The following TJP1 variants were observed in gnomAD, a reference collection of about 807,000 sequenced individuals.
TJP1 encodes the protein tight junction protein 1, also known as tight junction protein ZO-1.
Under a neutral mutation model 194.2 loss-of-function variants are expected in TJP1, and 43 were observed. That is an observed-to-expected ratio of 0.22 (90% CI 0.17 to 0.29). The LOEUF (loss-of-function observed/expected upper bound fraction) is 0.29, where lower values mean the gene tolerates loss of function less well. Ranked by LOEUF, TJP1 falls within the 10% of genes least tolerant of loss-of-function variation. The probability of loss-of-function intolerance (pLI) is 1.00; values close to 1 mark genes in which losing one functional copy is unlikely to be tolerated. For missense variants in TJP1, 1,971 were observed against 2,185.7 expected, an observed-to-expected ratio of 0.90 and a Z score of 1.96; for synonymous variants, 801 against 779.0, an observed-to-expected ratio of 1.03 and a Z score of -0.47.
chr15:29,840,342 C>T (rs1324710854), intron 2 of TJP1, among the ~76,000 whole-genome samples: 1 of 152,092 alleles, frequency 6.6e-6, no homozygotes, highest in Non-Finnish European at 1.5e-5. Context: ...TATGAATTTT[C>T]TAGAAGTTTT....
chr15:29,734,589 T>G (rs2043900627), intron 11 of TJP1, among the ~76,000 whole-genome samples: 3 of 151,756 alleles, frequency 2.0e-5, no homozygotes, highest in African/African-American at 7.3e-5. Context: ...GTTCAAGTGA[T>G]TCTCCTGCCT....
At chr15:29,702,603 C>T (rs975180939) in intron 27 of TJP1, among the ~76,000 whole-genome samples, 13 of 152,208 alleles carry the variant, frequency 8.5e-5, no homozygotes, top group Admixed American at 6.5e-4. Flanking sequence ...AAATATTCCA[C>T]GACGAACAGG....
At chr15:29,756,010 A>G in intron 8 of TJP1, among the ~76,000 whole-genome samples, 1 of 152,080 alleles carries the variant, frequency 6.6e-6, no homozygotes, top group East Asian at 1.9e-4. Flanking sequence ...GAAACATAAA[A>G]TGGGTCTGTT....
intron 8 of TJP1, among the ~76,000 whole-genome samples, chr15:29,753,867 A>G (rs1367068513): frequency 6.6e-6 from 1 of 151,898 alleles, no homozygotes; most frequent in Non-Finnish European, 1.5e-5. Context: ...TGGTGAGCCT[A>G]AAAAAGAACA....
intron 2 of TJP1, among the ~76,000 whole-genome samples, chr15:29,792,743 A>G (rs113212214): frequency 2.0e-4 from 31 of 152,346 alleles, no homozygotes; most frequent in African/African-American, 7.0e-4. Context: ...ATCCATGACC[A>G]TGGAGTATCT....
chr15:29,800,535 A>G, intron 2 of TJP1, 111 bp downstream of exon 2: 1 of 987,258 alleles, frequency 1.0e-6, no homozygotes, highest in Non-Finnish European at 1.5e-6. Flanking sequence ...AAGAATATAG[A>G]AAAAGTTTCC....
intron 1 of TJP1, among the ~76,000 whole-genome samples, chr15:29,809,400 A>G (rs1033567438): frequency 7.2e-5 from 11 of 152,192 alleles, no homozygotes; most frequent in Non-Finnish European, 1.6e-4. Context: ...TAAAATTTCT[A>G]CAAATAATCC....
intron 11 of TJP1, among the ~76,000 whole-genome samples, chr15:29,736,455 A>G (rs2044041672): frequency 6.6e-6 from 1 of 152,248 alleles, no homozygotes; most frequent in African/African-American, 2.4e-5. Context: ...CAGAATAGAG[A>G]GGCCACGGCA....
intron 2 of TJP1, among the ~76,000 whole-genome samples, chr15:29,779,107 A>G (rs1044092043): frequency 6.6e-6 from 1 of 152,228 alleles, no homozygotes; most frequent in African/African-American, 2.4e-5. Context: ...AATGTGGGTC[A>G]CTACAGTAAC....
At chr15:29,779,157 T>C (rs1203857263) in intron 2 of TJP1, among the ~76,000 whole-genome samples, 2 of 152,156 alleles carry the variant, frequency 1.3e-5, no homozygotes, top group South Asian at 2.1e-4. Context: ...TTGGCAGCTC[T>C]TGTCCACTTC....
chr15:29,936,121 T>C (rs2093115732), intron 2 of TJP1, among the ~76,000 whole-genome samples: 1 of 150,784 alleles, frequency 6.6e-6, no homozygotes, highest in African/African-American at 2.4e-5. Flanking sequence ...TCGCTGGGGG[T>C]TTCCTCCCTC....
At chr15:29,733,370 G>C in intron 12 of TJP1, 57 bp from the exon 13 acceptor site, 16 of 1,193,680 alleles carry the variant, frequency 1.3e-5, no homozygotes, top group Non-Finnish European at 1.9e-5. Context: ...CAATCTGAAA[G>C]ACAGTACATT....
At chr15:29,829,709 A>C (rs941696017) in intron 2 of TJP1, among the ~76,000 whole-genome samples, 4 of 152,146 alleles carry the variant, frequency 2.6e-5, no homozygotes, top group African/African-American at 9.6e-5. Context: ...ATTTTTTTAC[A>C]ATGTGTGTGT....
At chr15:29,934,676 T>C (rs1311557759) in intron 2 of TJP1, among the ~76,000 whole-genome samples, 2 of 152,224 alleles carry the variant, frequency 1.3e-5, no homozygotes, top group African/African-American at 4.8e-5. Context: ...AATTTATGAG[T>C]AATAAAATTC....
intron 1 of TJP1, among the ~76,000 whole-genome samples, chr15:29,812,744 G>A (rs955649347): frequency 6.6e-6 from 1 of 152,170 alleles, no homozygotes; most frequent in Non-Finnish European, 1.5e-5. Context: ...GATAATCGTA[G>A]TATCTAACAG....
intron 2 of TJP1, among the ~76,000 whole-genome samples, chr15:29,906,024 T>TGA (rs1646187153): frequency 6.6e-6 from 1 of 152,182 alleles, no homozygotes; most frequent in Admixed American, 6.5e-5. Flanking sequence ...TGCATGATAA[T>TGA]GATGTGTCAA....
intron 18 of TJP1, among the ~76,000 whole-genome samples, chr15:29,721,496 A>G (rs532153946): frequency 6.6e-6 from 1 of 152,288 alleles, no homozygotes; most frequent in East Asian, 1.9e-4. Context: ...CAGAACTGTG[A>G]GCCAATGAAA....
chr15:29,864,451 C>T (rs1166007353), intron 2 of TJP1, among the ~76,000 whole-genome samples: 1 of 152,040 alleles, frequency 6.6e-6, no homozygotes, highest in African/African-American at 2.4e-5. Context: ...TCTCATTTAG[C>T]TTAGTAACTC....
At position 29,968,497 on chromosome 15, in the gene TJP1, G is replaced by C. The variant is rs912309072; in HGVS notation, c.173+170C>G. 6.4e-4 allele frequency: 561 copies of C among 882,206 alleles called. 1 individual carries two copies. Among genetic ancestry groups the C allele is most frequent in the Non-Finnish European group, 7.2e-4 (528 of 736,540 alleles). 54.6% of individuals were successfully genotyped at this position (882,206 alleles called of 1,614,324 possible). ...CAAGGCGGCGCTCGGCCCTGGGCTC[G>C]GCCTTGGCTGCTGCGCCCCGCGCGG... On this transcript the variant is annotated intron_variant, in intron 1 of 28. Coordinates refer to the TJP1 transcript ENST00000356107.
Sources: allele counts gnomAD v4.1 joint callset (sites outside exome capture counted in the v4.1 genomes callset), GRCh38; gene constraint gnomAD v4.1.1; transcripts MANE v1.5; gene names NCBI Gene and HGNC (gene_info 2026-07-23, HGNC 2026-07-21).